NCOA2: variants seen among roughly 807,000 people sequenced by gnomAD.
NCOA2 encodes the protein class E basic helix-loop-helix protein 75.
NCOA2 carries 21 observed loss-of-function variants against 145.1 expected under a neutral mutation model. The observed-to-expected ratio is 0.14, with a 90% CI of 0.10 to 0.21. The LOEUF is 0.21. Among genes scored for constraint, NCOA2 ranks in the 10% least tolerant of loss-of-function variants. NCOA2 has a pLI of 1.00. For missense variants in NCOA2, 1,472 were observed against 1,837.6 expected (o/e 0.80, Z 3.64); for synonymous variants, 619 against 637.5 (o/e 0.97, Z 0.44).
chr8:70,191,354 G>A (rs1057438959), intron 4 of NCOA2, among the ~76,000 whole-genome samples: 9 of 152,152 alleles, frequency 5.9e-5, no homozygotes, highest in Non-Finnish European at 1.0e-4. Flanking sequence ...TGGTTAGCCA[G>A]GTAATGTACA....
chr8:70,161,965 G>A (rs981483051), intron 9 of NCOA2, among the ~76,000 whole-genome samples: 3 of 151,930 alleles, frequency 2.0e-5, no homozygotes, highest in East Asian at 1.9e-4. Context: ...GAAGACCTTC[G>A]GAAGCAGCAT....
chr8:70,319,516 T>C (rs1441265881), intron 1 of NCOA2, among the ~76,000 whole-genome samples: 2 of 151,188 alleles, frequency 1.3e-5, no homozygotes, highest in Non-Finnish European at 2.9e-5. Context: ...CACACTAGCA[T>C]AGGCAACAGA....
In NCOA2 at chr8:70,235,153, T is replaced by C. The variant is rs372997330; in HGVS notation, c.-19-18389A>G. Among the ~76,000 whole-genome samples the C allele has an allele frequency of 4.7e-4, 71 of 152,288 alleles. No homozygotes were observed. In the South Asian group the frequency reaches 0.015, roughly 32 times the overall value. ...TATTATTCAGCCTTAAAGAGGAGTA[T>C]CGTACTGATACATGTTAAAACATGG... On this transcript the variant is annotated intron_variant, in intron 2 of 22. Coordinates refer to ENST00000452400, the MANE Select transcript of NCOA2 (RefSeq NM_006540.4).
At chr8:70,392,265 T>C (rs901715219) in intron 1 of NCOA2, among the ~76,000 whole-genome samples, 3 of 152,184 alleles carry the variant, frequency 2.0e-5, no homozygotes, top group Admixed American at 1.3e-4. Context: ...TCAGGGGAGC[T>C]AGGAGGGCAA....
intron 2 of NCOA2, among the ~76,000 whole-genome samples, chr8:70,260,961 G>A (rs561818624): frequency 6.6e-6 from 1 of 152,298 alleles, no homozygotes; most frequent in African/African-American, 2.4e-5. Flanking sequence ...AACAGGTGCT[G>A]GAGAGGATGT....
At chr8:70,388,134 G>C (rs1812840025) in intron 1 of NCOA2, among the ~76,000 whole-genome samples, 1 of 150,950 alleles carries the variant, frequency 6.6e-6, no homozygotes, top group Non-Finnish European at 1.5e-5. Flanking sequence ...ATAGTAAATA[G>C]AACTCCCTGA....
chr8:70,433,577 T>C, the NCOA2 span, among the ~76,000 whole-genome samples: 1 of 152,200 alleles, frequency 6.6e-6, no homozygotes, highest in African/African-American at 2.4e-5. Context: ...TCAGATCATA[T>C]AGGGCCTACA....
chr8:70,354,803 C>G (rs1256101676), intron 1 of NCOA2, among the ~76,000 whole-genome samples: 1 of 152,082 alleles, frequency 6.6e-6, no homozygotes, highest in Admixed American at 6.6e-5. Flanking sequence ...GAAAAAATGG[C>G]AGAACTTCAC....
intron 1 of NCOA2, among the ~76,000 whole-genome samples, chr8:70,298,607 A>G (rs1827258708): frequency 6.6e-6 from 1 of 152,162 alleles, no homozygotes; most frequent in African/African-American, 2.4e-5. Flanking sequence ...ACCAACAACT[A>G]ATTTGCTCAA....
chr8:70,230,707 A>C (rs1343459960), intron 2 of NCOA2, among the ~76,000 whole-genome samples: 1 of 152,232 alleles, frequency 6.6e-6, no homozygotes, highest in Non-Finnish European at 1.5e-5. Context: ...CTTTTTGCTT[A>C]ATAAACATGC....
chr8:70,169,835 C>A (rs1310225745), intron 6 of NCOA2, among the ~76,000 whole-genome samples: 1 of 152,116 alleles, frequency 6.6e-6, no homozygotes, highest in African/African-American at 2.4e-5. Context: ...GAATCATTTT[C>A]ATGAATCTGA....
chr8:70,309,422 C>A (rs1828135260), intron 1 of NCOA2, among the ~76,000 whole-genome samples: 1 of 141,936 alleles, frequency 7.0e-6, no homozygotes, highest in African/African-American at 2.5e-5. Flanking sequence ...AGAATGGCAA[C>A]AAACACAAAA....
chr8:70,368,247 T>C lies in NCOA2; in HGVS notation c.-77+35453A>G, dbSNP rs73288554. 4.2e-3 allele frequency among the ~76,000 whole-genome samples: 641 copies of C among 152,166 alleles called. 6 individuals carry two copies. Among genetic ancestry groups the C allele is most frequent in the African/African-American group, 0.015 (612 of 41,508 alleles). On this transcript the variant is annotated intron_variant, in intron 1 of 22. Coordinates refer to ENST00000452400, the MANE Select transcript of NCOA2 (RefSeq NM_006540.4). ...TGGACAGAAAGAAAGACAAAGAGAG[T>C]GTCACAAGTGCTGGCTAGAGACATC...
intron 1 of NCOA2, among the ~76,000 whole-genome samples, chr8:70,361,104 T>C (rs1028163299): frequency 2.6e-5 from 4 of 152,220 alleles, no homozygotes; most frequent in African/African-American, 7.2e-5. Context: ...CTAATAACTT[T>C]GCATTGTTAA....
chr8:70,213,053 C>T (rs1018941721), intron 4 of NCOA2, among the ~76,000 whole-genome samples: 33 of 149,822 alleles, frequency 2.2e-4, no homozygotes, highest in African/African-American at 6.9e-4. Context: ...CCACTGCACC[C>T]CAGCCTGGGC....
intron 1 of NCOA2, among the ~76,000 whole-genome samples, chr8:70,388,401 C>T (rs1586662430): frequency 6.6e-6 from 1 of 152,094 alleles, no homozygotes; most frequent in Admixed American, 6.5e-5. Context: ...TCATCTAGGC[C>T]GGTCTTTAAG....
At chr8:70,137,067 T>C (rs376968603) in intron 15 of NCOA2, among the ~76,000 whole-genome samples, 1 of 152,206 alleles carries the variant, frequency 6.6e-6, no homozygotes, top group African/African-American at 2.4e-5. Context: ...TCACTGGAGT[T>C]TCGCTCTTGT....
the NCOA2 span, among the ~76,000 whole-genome samples, chr8:70,442,434 C>T: frequency 1.3e-5 from 2 of 152,278 alleles, no homozygotes; most frequent in Admixed American, 6.5e-5. Context: ...GTTATCACTT[C>T]GGTGGAGACA....
intron 1 of NCOA2, among the ~76,000 whole-genome samples, chr8:70,396,067 T>C (rs576792830): frequency 6.6e-6 from 1 of 152,202 alleles, no homozygotes; most frequent in Non-Finnish European, 1.5e-5. Flanking sequence ...CTGAATATAT[T>C]ATCAGCCTTC....
Sources: gnomAD v4.1 joint callset for allele counts (sites outside exome capture counted in the v4.1 genomes callset) on GRCh38, gnomAD v4.1.1 for gene constraint, MANE v1.5 for transcripts, NCBI Gene and HGNC (gene_info 2026-07-23, HGNC 2026-07-21) for gene names.